MGAT4C: variants seen among roughly 807,000 people sequenced by gnomAD.
The protein encoded by MGAT4C is alpha-1,3-mannosyl-glycoprotein 4-beta-N-acetylglucosaminyltransferase C.
In MGAT4C, 19 loss-of-function variants were observed where a neutral mutation model predicts 40.1. The observed-to-expected ratio is 0.47, with a 90% CI of 0.33 to 0.70. The LOEUF is 0.70. MGAT4C is among the 30% of genes least tolerant of loss of function. The pLI is 0.02. For synonymous variants in MGAT4C, 181 were observed against 187.1 expected, an observed-to-expected ratio of 0.97 and a Z score of 0.27; for missense variants, 491 against 563.2, an observed-to-expected ratio of 0.87 and a Z score of 1.30.
intron 1 of MGAT4C, among the ~76,000 whole-genome samples, chr12:86,172,808 A>G (rs1488600729): frequency 1.3e-5 from 2 of 152,082 alleles, no homozygotes; most frequent in Non-Finnish European, 2.9e-5. Context: ...ATCACTTCTA[A>G]TGTTGCTGAC....
At chr12:86,810,890 A>C (rs957109209) in intron 1 of MGAT4C, among the ~76,000 whole-genome samples, 1 of 151,984 alleles carries the variant, frequency 6.6e-6, no homozygotes, top group African/African-American at 2.4e-5. Flanking sequence ...CTCTTCTAAA[A>C]TTGCTAATTA....
rs1192812714 is a variant in MGAT4C, at chr12:86,174,114, CACACACACAT to C, written c.-57+82115_-57+82124del. On this transcript the variant is annotated intron_variant, in intron 1 of 4. Transcript: ENST00000611864. ...TAGGTTATTCTTACCAAAAAAGACA[CACACACACAT>C]ACACACACACACACACACACACACA... is the stretch of plus-strand genomic sequence containing the variant. Among the ~76,000 whole-genome samples, 667 of 102,148 alleles carry C rather than the reference CACACACACAT, an allele frequency of 6.5e-3. 1 individual carries two copies. The highest frequency in any genetic ancestry group is 0.013 in the Admixed American group (117 of 8,796). 67.0% of individuals were successfully genotyped at this position (102,148 alleles called of 152,430 possible).
At chr12:86,700,066 A>AGATAGAT (rs1555220815) in intron 2 of MGAT4C, among the ~76,000 whole-genome samples, 10 of 11,438 alleles carry the variant, frequency 8.7e-4, no homozygotes, top group Non-Finnish European at 2.9e-3. Context: ...ATAGATAGAT[A>AGATAGAT]AGATAGATAG....
chr12:86,690,350 A>C (rs1042869651), intron 2 of MGAT4C, among the ~76,000 whole-genome samples: 2 of 152,098 alleles, frequency 1.3e-5, no homozygotes, highest in Admixed American at 6.6e-5. Context: ...CAATCCAGGC[A>C]CCACTGGGGT....
chr12:86,664,132 A>ATT (rs201296651), intron 2 of MGAT4C, among the ~76,000 whole-genome samples: 1 of 145,542 alleles, frequency 6.9e-6, no homozygotes, highest in Admixed American at 6.9e-5. Flanking sequence ...TGCACAGTCA[A>ATT]TTTTTTTTTT....
chr12:86,791,764 G>A (rs1331388939), intron 1 of MGAT4C, among the ~76,000 whole-genome samples: 1 of 152,136 alleles, frequency 6.6e-6, no homozygotes, highest in Non-Finnish European at 1.5e-5. Context: ...TAAACTCATT[G>A]AGGAAATTTT....
At chr12:86,553,833 T>A (rs7977211) in intron 2 of MGAT4C, among the ~76,000 whole-genome samples, 15 of 152,148 alleles carry the variant, frequency 9.9e-5, no homozygotes, top group Non-Finnish European at 1.9e-4. Flanking sequence ...ACTTCACTCA[T>A]CTAAGCATAA....
At chr12:86,285,351 G>C (rs1049813890) in intron 4 of MGAT4C, among the ~76,000 whole-genome samples, 1 of 151,984 alleles carries the variant, frequency 6.6e-6, no homozygotes, top group African/African-American at 2.4e-5. Flanking sequence ...GTTGACTATT[G>C]TGTTCACCAC....
At chr12:86,660,142 C>T (rs146825867) in intron 2 of MGAT4C, among the ~76,000 whole-genome samples, 16 of 152,054 alleles carry the variant, frequency 1.1e-4, no homozygotes, top group South Asian at 4.1e-4. Context: ...ACTGACATAC[C>T]GGACAAGAGA....
chr12:86,012,428 G>T (rs1888552350), intron 2 of MGAT4C, among the ~76,000 whole-genome samples: 1 of 152,056 alleles, frequency 6.6e-6, no homozygotes, highest in African/African-American at 2.4e-5. Context: ...TTTGGGAACA[G>T]AATCATATGC....
chr12:86,180,692 T>C lies in MGAT4C; in HGVS notation c.-57+75547A>G, dbSNP rs147341716. On this transcript the variant is annotated intron_variant, in intron 1 of 4. Coordinates refer to ENST00000611864, the MANE Select transcript of MGAT4C (RefSeq NM_001351288.2). ...AGCATGGGCCCTCTTACCCCTTTGC[T>C]TTGGCCAATTTCTCCTATTTGGAAT... 5.9e-3 allele frequency among the ~76,000 whole-genome samples: 905 copies of C among 152,302 alleles called. 5 individuals carry two copies. The highest frequency in any genetic ancestry group is 0.01 in the Middle Eastern group (3 of 294).
chr12:86,410,828 T>G (rs1459260012), intron 3 of MGAT4C, among the ~76,000 whole-genome samples: 2 of 152,208 alleles, frequency 1.3e-5, no homozygotes, highest in Non-Finnish European at 2.9e-5. Context: ...TAAATGTCCA[T>G]GAAATATTCA....
At chr12:86,429,347 A>T (rs1044528005) in intron 3 of MGAT4C, among the ~76,000 whole-genome samples, 21 of 152,190 alleles carry the variant, frequency 1.4e-4, no homozygotes, top group African/African-American at 4.3e-4. Context: ...TATATTTTTT[A>T]AAATTTGCTG....
At chr12:86,241,295 G>A (rs1951773469) in intron 1 of MGAT4C, among the ~76,000 whole-genome samples, 1 of 152,046 alleles carries the variant, frequency 6.6e-6, no homozygotes, top group Non-Finnish European at 1.5e-5. Context: ...ATTAGTCCCT[G>A]GATTTAGCAT....
chr12:86,641,410 C>T (rs1310239247), intron 2 of MGAT4C, among the ~76,000 whole-genome samples: 4 of 151,496 alleles, frequency 2.6e-5, no homozygotes, highest in African/African-American at 9.7e-5. Flanking sequence ...AGGAGATATA[C>T]CTAATGCTAA....
chr12:86,487,596 T>G (rs558715396), intron 2 of MGAT4C, among the ~76,000 whole-genome samples: 1 of 152,220 alleles, frequency 6.6e-6, no homozygotes, highest in East Asian at 1.9e-4. Context: ...GACAAATGTC[T>G]GAAGATTTTC....
intron 3 of MGAT4C, among the ~76,000 whole-genome samples, chr12:86,353,618 A>C (rs190377311): frequency 2.0e-5 from 3 of 152,292 alleles, no homozygotes. Flanking sequence ...CCACTCAAGC[A>C]CTGGTCATGA....
chr12:86,592,622 A>C (rs1018954166), intron 2 of MGAT4C, among the ~76,000 whole-genome samples: 1 of 152,102 alleles, frequency 6.6e-6, no homozygotes, highest in Non-Finnish European at 1.5e-5. Flanking sequence ...CTGTAGGGAG[A>C]GGCAGCTTTA....
chr12:86,205,693 G>A (rs1426342547), intron 1 of MGAT4C, among the ~76,000 whole-genome samples: 1 of 151,884 alleles, frequency 6.6e-6, no homozygotes, highest in African/African-American at 2.4e-5. Context: ...ATTGATAAAT[G>A]TGTACTTTAC....
Sources: gnomAD v4.1 joint callset for allele counts (sites outside exome capture counted in the v4.1 genomes callset) on GRCh38, gnomAD v4.1.1 for gene constraint, MANE v1.5 for transcripts, NCBI Gene and HGNC (gene_info 2026-07-23, HGNC 2026-07-21) for gene names.